The following CYP2C18 variants were observed in gnomAD, a reference collection of about 807,000 sequenced individuals.
The protein encoded by CYP2C18 is cytochrome P450 2C18.
Under a neutral mutation model 41.3 loss-of-function variants are expected in CYP2C18, and 38 were observed. That is an observed-to-expected ratio of 0.92 (90% CI 0.71 to 1.21). CYP2C18 has a LOEUF of 1.21. CYP2C18 is among the 50% of genes most tolerant of loss of function. CYP2C18 has a pLI of 0.00. For synonymous variants in CYP2C18, 236 were observed against 210.0 expected (o/e 1.12, Z -1.07); for missense variants, 635 against 591.4 (o/e 1.07, Z -0.77).
chr10:94,717,680 A>T (rs1242762266), intron 5 of CYP2C18, among the ~76,000 whole-genome samples: 1 of 151,930 alleles, frequency 6.6e-6, no homozygotes, highest in Non-Finnish European at 1.5e-5. Context: ...TAGCATTTGG[A>T]TATCCAGTTT....
chr10:94,689,970 A>C lies in CYP2C18; in HGVS notation c.481+1696A>C, dbSNP rs187918831. On this transcript the variant is annotated intron_variant, in intron 3 of 8. Coordinates refer to ENST00000285979, the MANE Select transcript of CYP2C18 (RefSeq NM_000772.3). The stretch of plus-strand genomic sequence containing the variant: ...TATCTCACTCATTTCTTCCTGTGAA[A>C]ACCCCAATGAAGGCTCAGCCCCATG... Among the ~76,000 whole-genome samples the C allele has an allele frequency of 2.0e-5, 3 of 152,172 alleles. No individual in the cohort carries two copies. The East Asian group carries it at 5.8e-4, about 29-fold the overall frequency.
At chr10:94,712,111 G>A (rs900928158) in intron 5 of CYP2C18, among the ~76,000 whole-genome samples, 1 of 147,422 alleles carries the variant, frequency 6.8e-6, no homozygotes, top group Non-Finnish European at 1.5e-5. Context: ...GCCTCCCAAA[G>A]TGCTGGGATT....
At chr10:94,691,287 C>T (rs1263243239) in intron 3 of CYP2C18, among the ~76,000 whole-genome samples, 1 of 152,058 alleles carries the variant, frequency 6.6e-6, no homozygotes, top group Admixed American at 6.6e-5. Flanking sequence ...TCATCTCAGC[C>T]CAAAATCTCC....
intron 4 of CYP2C18, among the ~76,000 whole-genome samples, chr10:94,705,846 G>A (rs529651715): frequency 6.6e-6 from 1 of 152,192 alleles, no homozygotes; most frequent in South Asian, 2.1e-4. Flanking sequence ...ATATAGAGCT[G>A]GAATTCAAGC....
At chr10:94,716,597 C>G (rs1847548748) in intron 5 of CYP2C18, among the ~76,000 whole-genome samples, 1 of 152,064 alleles carries the variant, frequency 6.6e-6, no homozygotes, top group East Asian at 1.9e-4. Context: ...TGCTTTAATT[C>G]CAACTATGTG....
chr10:94,724,955 T>A (rs1016504745), intron 7 of CYP2C18, among the ~76,000 whole-genome samples: 1 of 151,850 alleles, frequency 6.6e-6, no homozygotes, highest in East Asian at 1.9e-4. Context: ...CTTTATTTAT[T>A]TGGGCTTTCT....
intron 5 of CYP2C18, among the ~76,000 whole-genome samples, chr10:94,715,164 C>G (rs972253278): frequency 6.6e-6 from 1 of 152,034 alleles, no homozygotes; most frequent in Non-Finnish European, 1.5e-5. Context: ...AATTGAATAC[C>G]CTTTATTTCT....
At position 94,717,815 on chromosome 10, in the gene CYP2C18, C is replaced by T. The variant is rs1002886412; in HGVS notation, c.820-2581C>T. 3.3e-5 allele frequency among the ~76,000 whole-genome samples: 5 copies of T among 152,048 alleles called. No homozygotes were observed. In the East Asian group the frequency reaches 7.7e-4, roughly 23 times the overall value. On this transcript the variant is annotated intron_variant, in intron 5 of 8. Transcript: ENST00000285979. ...TGTTATATTCTGTTGGTTGATGTGT[C>T]CATTTTTATGCCAGTACCATGCTGT... is the stretch of plus-strand genomic sequence containing the variant.
chr10:94,687,717 A>G (rs1846915816), intron 1 of CYP2C18, 53 bp from the exon 2 acceptor site: 5 of 1,498,708 alleles, frequency 3.3e-6, no homozygotes, highest in African/African-American at 2.8e-5. Context: ...CGGACAATAT[A>G]TAGACCAAAT....
chr10:94,712,347 C>T (rs371734560), intron 5 of CYP2C18, among the ~76,000 whole-genome samples: 1 of 151,270 alleles, frequency 6.6e-6, no homozygotes, highest in Non-Finnish European at 1.5e-5. Flanking sequence ...CTCCCCCTTT[C>T]CCCCCGCCCC....
At position 94,683,830 on chromosome 10, in the gene CYP2C18, C is replaced by T; in HGVS notation, c.11C>T (p.Ala4Val). 2 of 1,601,350 alleles carry T rather than the reference C, an allele frequency of 1.2e-6. No individual in the cohort carries two copies. The highest frequency in any genetic ancestry group is 2.2e-5 in the East Asian group (1 of 44,624). MDP[A>V]VALVLCLSCL... ...GAAGAGAAGCCTTCAATGGATCCAGCTGTGGCTCTGGTGCTCTGTCTCTCC... is the reference window on the plus strand; with the variant it reads ...GAAGAGAAGCCTTCAATGGATCCAGTTGTGGCTCTGGTGCTCTGTCTCTCC... Residue 4 changes from alanine to valine, a missense_variant, in exon 1 of 9, where the codon GCT becomes GTT. Coordinates refer to ENST00000285979, the MANE Select transcript of CYP2C18 (RefSeq NM_000772.3).
At chr10:94,699,476 A>G (rs1198049468) in intron 4 of CYP2C18, among the ~76,000 whole-genome samples, 1 of 152,234 alleles carries the variant, frequency 6.6e-6, no homozygotes, top group African/African-American at 2.4e-5. Flanking sequence ...GATGGGATGT[A>G]TCTGAAAATA....
At chr10:94,700,496 T>G (rs1847216413) in intron 4 of CYP2C18, among the ~76,000 whole-genome samples, 1 of 152,180 alleles carries the variant, frequency 6.6e-6, no homozygotes. Flanking sequence ...AATACTTAAA[T>G]GTTAGACCTA....
intron 4 of CYP2C18, among the ~76,000 whole-genome samples, chr10:94,696,199 A>G (rs1326405015): frequency 6.6e-6 from 1 of 151,864 alleles, no homozygotes; most frequent in Non-Finnish European, 1.5e-5. Flanking sequence ...TGGGTCCCTG[A>G]CCCCCCAGTA....
At chr10:94,733,093 A>G (rs1432977180) in intron 7 of CYP2C18, among the ~76,000 whole-genome samples, 1 of 152,090 alleles carries the variant, frequency 6.6e-6, no homozygotes, top group Non-Finnish European at 1.5e-5. Context: ...AGTGCAATTA[A>G]TTGGAGGGGA....
chr10:94,691,047 C>T, intron 3 of CYP2C18, among the ~76,000 whole-genome samples: 1 of 152,142 alleles, frequency 6.6e-6, no homozygotes. Context: ...CTATCTATGA[C>T]AAGCCCACAG....
intron 1 of CYP2C18, 36 bp downstream of exon 1, chr10:94,684,023 G>T: frequency 2.0e-6 from 3 of 1,481,094 alleles, no homozygotes; most frequent in South Asian, 1.3e-5. Context: ...TAATGTACAA[G>T]GTGTATTTAA....
rs1165731796 is a variant in CYP2C18, at chr10:94,720,670, C to T, written c.961+133C>T. On this transcript the variant is annotated intron_variant, in intron 6 of 8. Coordinates refer to ENST00000285979, the MANE Select transcript of CYP2C18 (RefSeq NM_000772.3). ...TTCTGTGCCATTGGCTCTAAGTTGT[C>T]TAAATATGATGAAGGGATAAGAATG... 6.9e-6 allele frequency: 6 copies of T among 872,244 alleles called. No individual in the cohort carries two copies. The Admixed American group carries it at 1.0e-4, about 15-fold the overall frequency. The allele number at this position is 872,244 out of a possible 1,614,324, so 54.0% of individuals were successfully genotyped here.
intron 4 of CYP2C18, among the ~76,000 whole-genome samples, chr10:94,698,408 A>T (rs1362710611): frequency 1.3e-5 from 2 of 152,254 alleles, no homozygotes; most frequent in African/African-American, 4.8e-5. Context: ...TGAAGGCAGA[A>T]ATAAAAATGT....
Sources: allele counts gnomAD v4.1 joint callset (sites outside exome capture counted in the v4.1 genomes callset), GRCh38; gene constraint gnomAD v4.1.1; transcripts MANE v1.5; gene names NCBI Gene and HGNC (gene_info 2026-07-23, HGNC 2026-07-21).